Variants in BABAM2 observed in about 807,000 individuals in gnomAD.
The protein encoded by BABAM2 is BRISC and BRCA1 A complex member 2.
Under a neutral mutation model 54.7 loss-of-function variants are expected in BABAM2, and 31 were observed. That is an observed-to-expected ratio of 0.57 (90% CI 0.43 to 0.77). The LOEUF (loss-of-function observed/expected upper bound fraction) is 0.77. BABAM2 is among the 30% of genes least tolerant of loss of function. The pLI is 0.00. For missense variants in BABAM2, 364 were observed against 455.8 expected (o/e 0.80, Z 1.83); for synonymous variants, 167 against 162.9 (o/e 1.03, Z -0.19).
chr2:28,143,963 A>G (rs1671280761), intron 7 of BABAM2, among the ~76,000 whole-genome samples: 1 of 152,184 alleles, frequency 6.6e-6, no homozygotes, highest in Non-Finnish European at 1.5e-5. Context: ...CCATCATGAT[A>G]AAGTCTTTAG....
intron 5 of BABAM2, among the ~76,000 whole-genome samples, chr2:28,030,394 C>G (rs1316355570): frequency 2.6e-5 from 4 of 152,096 alleles, no homozygotes; most frequent in Non-Finnish European, 4.4e-5. Context: ...GTTATGGATT[C>G]AAGTGAAGTA....
At chr2:28,334,580 G>A (rs76720270) in intron 11 of BABAM2, among the ~76,000 whole-genome samples, 1 of 152,388 alleles carries the variant, frequency 6.6e-6, no homozygotes, top group Non-Finnish European at 1.5e-5. Flanking sequence ...GTGCACATCA[G>A]GCCAGAGTCC....
At chr2:28,043,009 G>C (rs1677241600) in intron 5 of BABAM2, among the ~76,000 whole-genome samples, 1 of 151,736 alleles carries the variant, frequency 6.6e-6, no homozygotes, top group African/African-American at 2.4e-5. Context: ...GGGGGACAGA[G>C]TGAGACTCCG....
chr2:28,058,988 G>C (rs866781588), intron 6 of BABAM2, among the ~76,000 whole-genome samples: 1 of 152,072 alleles, frequency 6.6e-6, no homozygotes, highest in Admixed American at 6.6e-5. Context: ...GCTGGTTACC[G>C]TTGCCTCCCT....
chr2:28,009,564 ATTAT>A (rs1441136437), intron 4 of BABAM2, among the ~76,000 whole-genome samples: 1 of 152,098 alleles, frequency 6.6e-6, no homozygotes, highest in Non-Finnish European at 1.5e-5. Flanking sequence ...TGTCTTCATG[ATTAT>A]TTATCCTGAG....
intron 7 of BABAM2, among the ~76,000 whole-genome samples, chr2:28,211,791 A>G (rs1045605983): frequency 1.3e-5 from 2 of 152,136 alleles, no homozygotes; most frequent in Non-Finnish European, 2.9e-5. Context: ...AAAGATTCCC[A>G]TATGTCTTAA....
chr2:27,961,918 T>TG (rs1670500998), intron 3 of BABAM2, among the ~76,000 whole-genome samples: 1 of 151,658 alleles, frequency 6.6e-6, no homozygotes, highest in Non-Finnish European at 1.5e-5. Context: ...TTTGTAGAGA[T>TG]GGGGTCTCAC....
intron 2 of BABAM2, among the ~76,000 whole-genome samples, chr2:27,911,325 C>T (rs1168188258): frequency 6.6e-6 from 1 of 152,034 alleles, no homozygotes; most frequent in East Asian, 1.9e-4. Flanking sequence ...TTTGAACCCT[C>T]TGGATTTTAA....
At chr2:28,241,207 G>A in intron 8 of BABAM2, 116 bp from the exon 9 acceptor site, 1 of 937,200 alleles carries the variant, frequency 1.1e-6, no homozygotes, top group Non-Finnish European at 1.7e-6. Context: ...GTAGGTAGTG[G>A]GAATACCGGT....
chr2:28,171,281 A>G (rs1296534847), intron 7 of BABAM2, among the ~76,000 whole-genome samples: 3 of 152,224 alleles, frequency 2.0e-5, no homozygotes, highest in Admixed American at 2.0e-4. Flanking sequence ...CTACTGTTCT[A>G]ATAGTCGTGT....
chr2:28,042,439 G>A (rs1677177884), intron 5 of BABAM2, among the ~76,000 whole-genome samples: 1 of 152,182 alleles, frequency 6.6e-6, no homozygotes, highest in Non-Finnish European at 1.5e-5. Context: ...AGCCAGTGAA[G>A]TAGAGAAACT....
At chr2:28,023,664 C>T (rs1432833758) in intron 4 of BABAM2, among the ~76,000 whole-genome samples, 3 of 152,170 alleles carry the variant, frequency 2.0e-5, no homozygotes, top group African/African-American at 4.8e-5. Flanking sequence ...TCCTAAGACC[C>T]GTTTTTCCTA....
At chr2:27,998,373 C>T (rs1388981352) in intron 4 of BABAM2, among the ~76,000 whole-genome samples, 1 of 151,616 alleles carries the variant, frequency 6.6e-6, no homozygotes, top group Non-Finnish European at 1.5e-5. Context: ...AGTCTATAAC[C>T]CTAGATGAGT....
intron 7 of BABAM2, among the ~76,000 whole-genome samples, chr2:28,203,888 G>A (rs773550681): frequency 2.0e-5 from 3 of 152,108 alleles, no homozygotes; most frequent in Non-Finnish European, 2.9e-5. Flanking sequence ...TTGCCCTTCC[G>A]GAAAGGCTGC....
At chr2:28,037,110 T>G (rs1202249212) in intron 5 of BABAM2, among the ~76,000 whole-genome samples, 2 of 152,298 alleles carry the variant, frequency 1.3e-5, no homozygotes, top group East Asian at 3.9e-4. Context: ...ATTCATATTA[T>G]TCAAAAATCA....
upstream of BABAM2, chr2:27,890,173 G>C (rs1254877352): frequency 4.5e-6 from 6 of 1,322,506 alleles, no homozygotes; most frequent in Non-Finnish European, 6.4e-6. This position sits in a 1 kb window ranked among gnomAD's most constrained non-coding sequence, Gnocchi z 4.8. Context: ...TGGAGACCCA[G>C]CGCCCAAAAG....
At chr2:28,191,225 A>C (rs1266879152) in intron 7 of BABAM2, among the ~76,000 whole-genome samples, 2 of 152,230 alleles carry the variant, frequency 1.3e-5, no homozygotes, top group African/African-American at 4.8e-5. Context: ...CACCTACTAG[A>C]ATGGGTAAAA....
At chr2:28,087,886 G>A (rs1225199246) in intron 6 of BABAM2, among the ~76,000 whole-genome samples, 1 of 152,202 alleles carries the variant, frequency 6.6e-6, no homozygotes, top group Admixed American at 6.5e-5. Context: ...CTGACGTCAA[G>A]TGATCTGCCC....
At chr2:28,159,184 G>A (rs1002916701) in intron 7 of BABAM2, among the ~76,000 whole-genome samples, 1 of 152,160 alleles carries the variant, frequency 6.6e-6, no homozygotes, top group Non-Finnish European at 1.5e-5. Flanking sequence ...GAGTGCCTAT[G>A]ACATGTCAGA....
Sources: allele counts gnomAD v4.1 joint callset (sites outside exome capture counted in the v4.1 genomes callset), GRCh38; gene constraint gnomAD v4.1.1; non-coding constraint Gnocchi (gnomAD v3.1); transcripts MANE v1.5; gene names NCBI Gene and HGNC (gene_info 2026-07-23, HGNC 2026-07-21).